Variants in GLRA2 observed in about 807,000 individuals in gnomAD.
The protein encoded by GLRA2 is glycine receptor alpha 2, also known as glycine receptor subunit alpha-2.
GLRA2 carries 11 observed loss-of-function variants against 31.6 expected under a neutral mutation model. The observed-to-expected ratio is 0.35, with a 90% CI of 0.22 to 0.58. The LOEUF is 0.58. Ranked by LOEUF, GLRA2 falls within the 20% of genes least tolerant of loss-of-function variation. GLRA2 has a pLI of 0.84. For missense variants in GLRA2, 212 were observed against 351.8 expected, an observed-to-expected ratio of 0.60 and a Z score of 3.18; for synonymous variants, 132 against 134.0, an observed-to-expected ratio of 0.99 and a Z score of 0.10.
the GLRA2 span, among the ~76,000 whole-genome samples, chrX:14,493,645 A>ATATGTATACACGTG: frequency 3.2e-5 from 3 of 94,637 alleles, no homozygotes; most frequent in African/African-American, 1.4e-4. Context: ...ATATACATAT[A>ATATGTATACACGTG]TATACATATG....
At chrX:14,483,907 ATG>A in the GLRA2 span, among the ~76,000 whole-genome samples, 1 of 110,957 alleles carries the variant, frequency 9.0e-6, no homozygotes, top group Non-Finnish European at 1.9e-5. Context: ...AGGCAGAAAA[ATG>A]TGAAAAGAGA....
chrX:14,674,040 G>C (rs1357755548), intron 7 of GLRA2, among the ~76,000 whole-genome samples: 2 of 112,482 alleles, frequency 1.8e-5, no homozygotes, highest in Admixed American at 1.9e-4. Context: ...GAAAAGCACA[G>C]AATTTGGAGT....
chrX:14,569,114 G>C (rs1466092297), intron 2 of GLRA2, among the ~76,000 whole-genome samples: 2 of 110,740 alleles, frequency 1.8e-5, no homozygotes, highest in Non-Finnish European at 3.8e-5. Context: ...AATTAGCCAG[G>C]CATGATGGTG....
chrX:14,648,323 G>C (rs759049814), intron 7 of GLRA2, among the ~76,000 whole-genome samples: 1 of 111,154 alleles, frequency 9.0e-6, no homozygotes, highest in East Asian at 2.8e-4. Context: ...AAATACAGAG[G>C]GTTTGATGAA....
chrX:14,594,100 G>A (rs1399274121), intron 4 of GLRA2, among the ~76,000 whole-genome samples: 2 of 112,016 alleles, frequency 1.8e-5, no homozygotes, highest in Admixed American at 9.5e-5. Context: ...TGGTCAGTAA[G>A]TCTCCATCAG....
chrX:14,587,231 T>C (rs1309371544), intron 4 of GLRA2, among the ~76,000 whole-genome samples: 1 of 112,544 alleles, frequency 8.9e-6, no homozygotes, highest in Non-Finnish European at 1.9e-5. Flanking sequence ...ATGTCTGCTA[T>C]TGTGGATAGT....
chrX:14,489,029 CTG>C, the GLRA2 span, among the ~76,000 whole-genome samples: 3 of 112,051 alleles, frequency 2.7e-5, no homozygotes, highest in Non-Finnish European at 5.6e-5. Flanking sequence ...TTTAACCCCT[CTG>C]TTTACCAAGT....
chrX:14,485,980 C>T, the GLRA2 span, among the ~76,000 whole-genome samples: 49 of 111,720 alleles, frequency 4.4e-4, no homozygotes, highest in African/African-American at 1.3e-3. Flanking sequence ...CATAAATGGA[C>T]GCACAGATTA....
the GLRA2 span, among the ~76,000 whole-genome samples, chrX:14,523,522 A>T: frequency 1.8e-5 from 2 of 112,285 alleles, no homozygotes; most frequent in Non-Finnish European, 3.8e-5. Context: ...CTTTTGGCCT[A>T]TCTCAGCTTT....
At chrX:14,645,313 C>G (rs1397964507) in intron 7 of GLRA2, among the ~76,000 whole-genome samples, 1 of 111,738 alleles carries the variant, frequency 8.9e-6, no homozygotes, top group African/African-American at 3.3e-5. Context: ...GTCTTCCTTT[C>G]CTTATACTAG....
At chrX:14,469,242 C>T in the GLRA2 span, among the ~76,000 whole-genome samples, 248 of 111,713 alleles carry the variant, frequency 2.2e-3, 1 homozygote, top group Non-Finnish European at 3.5e-3. Flanking sequence ...TCCTTGCCCA[C>T]ACCTATGTCC....
chrX:14,707,483 G>A (rs1269071468), intron 8 of GLRA2, among the ~76,000 whole-genome samples: 1 of 110,819 alleles, frequency 9.0e-6, no homozygotes, highest in Non-Finnish European at 1.9e-5. Context: ...TGAGAATATT[G>A]CATGATACAG....
intron 1 of GLRA2, chrX:14,531,198 C>T (rs779800893): frequency 7.5e-5 from 65 of 870,362 alleles, no homozygotes; most frequent in Non-Finnish European, 9.6e-5. Flanking sequence ...TATGCATGCT[C>T]ATATCAATTT....
chrX:14,690,940 A>G, intron 8 of GLRA2, 81 bp downstream of exon 8: 1 of 1,019,876 alleles, frequency 9.8e-7, no homozygotes, highest in Non-Finnish European at 1.4e-6. Context: ...AGAAGAGCAC[A>G]CAATAAGCAA....
the GLRA2 span, among the ~76,000 whole-genome samples, chrX:14,463,039 G>T: frequency 3.6e-5 from 4 of 111,689 alleles, no homozygotes; most frequent in African/African-American, 1.3e-4. Context: ...TGGTGTGGAT[G>T]TCCTTTTTGT....
At chrX:14,702,718 G>A (rs2091561447) in intron 8 of GLRA2, among the ~76,000 whole-genome samples, 1 of 111,563 alleles carries the variant, frequency 9.0e-6, no homozygotes, top group South Asian at 3.8e-4. Context: ...CATTGCTTCT[G>A]GAGGGTTGTC....
At chrX:14,693,958 A>G (rs55831520) in intron 8 of GLRA2, among the ~76,000 whole-genome samples, 20,181 of 111,469 alleles carry the variant, frequency 0.18, 1,725 homozygotes, top group Non-Finnish European at 0.26. Flanking sequence ...CTTCAAATGC[A>G]TATTTTATAA....
chrX:14,635,647 G>A (rs1358741944), intron 7 of GLRA2, among the ~76,000 whole-genome samples: 2 of 111,526 alleles, frequency 1.8e-5, no homozygotes, highest in African/African-American at 3.3e-5. Flanking sequence ...GAAAATGGAC[G>A]GTTTAGCAAC....
At chrX:14,559,845 A>T (rs1162503405) in intron 2 of GLRA2, among the ~76,000 whole-genome samples, 2 of 111,594 alleles carry the variant, frequency 1.8e-5, no homozygotes, top group Non-Finnish European at 1.9e-5. Flanking sequence ...AATTACAATC[A>T]TGACATTTAA....
Sources: allele counts gnomAD v4.1 joint callset (sites outside exome capture counted in the v4.1 genomes callset), GRCh38; gene constraint gnomAD v4.1.1; transcripts MANE v1.5; gene names NCBI Gene and HGNC (gene_info 2026-07-23, HGNC 2026-07-21).